PRKAR1B: variants seen among roughly 807,000 people sequenced by gnomAD.
PRKAR1B encodes protein kinase cAMP-dependent type I regulatory subunit beta, also known as cAMP-dependent protein kinase type I-beta regulatory subunit.
A neutral mutation model predicts 46.5 loss-of-function variants in PRKAR1B; 22 were observed. The ratio of observed to expected loss-of-function variants is 0.47; its 90% CI spans 0.34 to 0.68. The LOEUF (loss-of-function observed/expected upper bound fraction) is 0.68, where lower values mean the gene tolerates loss of function less well. PRKAR1B is among the 30% of genes least tolerant of loss of function. The probability of loss-of-function intolerance (pLI) is 0.01; values close to 1 mark genes in which losing one functional copy is unlikely to be tolerated. For missense variants in PRKAR1B, 445 were observed against 535.6 expected (o/e 0.83, Z 1.67); for synonymous variants, 259 against 217.7 (o/e 1.19, Z -1.67).
chr7:553,710 A>G (rs768699645), intron 9 of PRKAR1B, among the ~76,000 whole-genome samples: 1 of 151,180 alleles, frequency 6.6e-6, no homozygotes, highest in African/African-American at 2.5e-5. Context: ...TACCTGGGTT[A>G]ATGAGTAACT....
chr7:685,919 A>G (rs989843250), intron 2 of PRKAR1B, among the ~76,000 whole-genome samples: 1 of 152,220 alleles, frequency 6.6e-6, no homozygotes, highest in African/African-American at 2.4e-5. Context: ...TGGACAATGC[A>G]AAATGAAAAG....
At chr7:639,745 T>A (rs1334323275) in intron 4 of PRKAR1B, among the ~76,000 whole-genome samples, 1 of 151,896 alleles carries the variant, frequency 6.6e-6, no homozygotes, top group East Asian at 1.9e-4. Context: ...GTCCCAGCTA[T>A]TCAGGAGGCT....
At chr7:719,017 G>A (rs1438216482) in intron 1 of PRKAR1B, among the ~76,000 whole-genome samples, 2 of 151,434 alleles carry the variant, frequency 1.3e-5, no homozygotes, top group East Asian at 3.9e-4. Flanking sequence ...GATTACAGGT[G>A]CACCCCATCA....
At chr7:691,703 G>A in intron 2 of PRKAR1B, 1 of 1,264,874 alleles carries the variant, frequency 7.9e-7, no homozygotes, top group South Asian at 1.3e-5. Context: ...GTCAAAAGCA[G>A]CTCCTCGTGG....
At chr7:563,113 C>G (rs1778908525) in intron 9 of PRKAR1B, among the ~76,000 whole-genome samples, 1 of 152,208 alleles carries the variant, frequency 6.6e-6, no homozygotes, top group East Asian at 1.9e-4. Context: ...GACACGGCTT[C>G]TGCTTCCTGG....
chr7:654,603 T>C (rs1185378391), intron 4 of PRKAR1B, among the ~76,000 whole-genome samples: 1 of 151,410 alleles, frequency 6.6e-6, no homozygotes, highest in African/African-American at 2.4e-5. Flanking sequence ...ACCTTCACCA[T>C]CACCATCATC....
Position 560,989 on chromosome 7 carries a change from G to C in PRKAR1B, c.892-9519C>G, listed in dbSNP as rs888073960. On this transcript the variant is annotated intron_variant, in intron 9 of 10. Transcript: ENST00000537384. This position sits in a 1 kb window ranked among gnomAD's most constrained non-coding sequence, Gnocchi z 4.2. ...TCCTGCCTGTGTGCTTCTGGACTTA[G>C]GCAGAAGCAGAATCCTATACATACA... Among the ~76,000 whole-genome samples the C allele has an allele frequency of 5.9e-5, 9 of 152,162 alleles. No individual in the cohort carries two copies. Among genetic ancestry groups the C allele is most frequent in the African/African-American group, 2.2e-4 (9 of 41,496 alleles).
At chr7:674,060 C>A (rs1314662960) in intron 4 of PRKAR1B, among the ~76,000 whole-genome samples, 2 of 152,220 alleles carry the variant, frequency 1.3e-5, no homozygotes, top group African/African-American at 4.8e-5. Context: ...AAACCCAGGG[C>A]CACCCGCCCA....
At position 637,836 on chromosome 7, in the gene PRKAR1B, A is replaced by T. The variant is rs530105428; in HGVS notation, c.441-30384T>A. Among the ~76,000 whole-genome samples the T allele has an allele frequency of 1.4e-3, 216 of 151,942 alleles. 2 individuals carry two copies. The highest frequency in any genetic ancestry group is 2.3e-3 in the East Asian group (12 of 5,152). On this transcript the variant is annotated intron_variant, in intron 4 of 10. Coordinates refer to ENST00000537384, the MANE Select transcript of PRKAR1B (RefSeq NM_001164760.2). ...GGACAAGAGAGAGACTCCATCTAAAAAAATAAATAAATAAATAAATAACAG... is the reference window on the plus strand; with the variant it reads ...GGACAAGAGAGAGACTCCATCTAAATAAATAAATAAATAAATAAATAACAG...
intron 8 of PRKAR1B, among the ~76,000 whole-genome samples, chr7:583,418 GCA>G (rs1210230838): frequency 1.9e-5 from 1 of 52,874 alleles, no homozygotes; most frequent in African/African-American, 8.3e-5. Context: ...GCACACCCAC[GCA>G]CACACGCACA....
At chr7:570,352 T>G (rs1779427231) in intron 9 of PRKAR1B, among the ~76,000 whole-genome samples, 1 of 152,180 alleles carries the variant, frequency 6.6e-6, no homozygotes, top group South Asian at 2.1e-4. Context: ...AAAGCGACTT[T>G]CATACCCCCC....
chr7:724,453 T>C (rs2128536488), intron 1 of PRKAR1B, among the ~76,000 whole-genome samples: 1 of 152,336 alleles, frequency 6.6e-6, no homozygotes, highest in South Asian at 2.1e-4. Context: ...CTTTGCCTGC[T>C]GCCATCATGT....
chr7:697,388 G>A (rs1170813293), intron 2 of PRKAR1B, among the ~76,000 whole-genome samples: 4 of 152,172 alleles, frequency 2.6e-5, no homozygotes, highest in Non-Finnish European at 5.9e-5. Flanking sequence ...CTCCTGTGGG[G>A]ACACAGCCTG....
intron 1 of PRKAR1B, among the ~76,000 whole-genome samples, chr7:715,468 C>T (rs1422943585): frequency 6.6e-6 from 1 of 152,128 alleles, no homozygotes; most frequent in African/African-American, 2.4e-5. Flanking sequence ...TGTGCCCAAG[C>T]AGCTATGCCC....
At chr7:583,515 A>G (rs1270412609) in intron 8 of PRKAR1B, among the ~76,000 whole-genome samples, 1 of 146,946 alleles carries the variant, frequency 6.8e-6, no homozygotes, top group East Asian at 2.1e-4. Flanking sequence ...ACACACCCAC[A>G]CACGCGTGCA....
intron 4 of PRKAR1B, among the ~76,000 whole-genome samples, chr7:620,885 A>G (rs906034542): frequency 6.6e-6 from 1 of 152,252 alleles, no homozygotes; most frequent in Non-Finnish European, 1.5e-5. Flanking sequence ...GTAGCCAAAG[A>G]TTCTCCATTA....
chr7:632,417 G>A lies in PRKAR1B; in HGVS notation c.441-24965C>T, dbSNP rs1337348048. Among the ~76,000 whole-genome samples the A allele has an allele frequency of 1.3e-5, 2 of 152,090 alleles. 1 individual carries two copies. Among genetic ancestry groups the A allele is most frequent in the Non-Finnish European group, 2.9e-5 (2 of 68,024 alleles). ...CCACTGCCCCCCAACACAGCCCCCC[G>A]AGCCGCAGGCTCCACCGGGGGGGTC... On this transcript the variant is annotated intron_variant, in intron 4 of 10. Coordinates refer to ENST00000537384, the MANE Select transcript of PRKAR1B (RefSeq NM_001164760.2).
chr7:579,524 G>T (rs531096880), intron 8 of PRKAR1B, 147 bp from the exon 9 acceptor site: 1 of 1,094,794 alleles, frequency 9.1e-7, no homozygotes, highest in African/African-American at 1.6e-5. Context: ...ATAAGATGAG[G>T]CCGTGACGCT....
intron 2 of PRKAR1B, among the ~76,000 whole-genome samples, chr7:702,253 G>A (rs1041906424): frequency 2.7e-5 from 4 of 149,894 alleles, no homozygotes; most frequent in African/African-American, 9.8e-5. Context: ...AAGACAGTAA[G>A]TACTAAAAAA....
Sources: gnomAD v4.1 joint callset for allele counts (sites outside exome capture counted in the v4.1 genomes callset) on GRCh38, gnomAD v4.1.1 for gene constraint, Gnocchi (gnomAD v3.1) non-coding constraint, MANE v1.5 for transcripts, NCBI Gene and HGNC (gene_info 2026-07-23, HGNC 2026-07-21) for gene names.